ASTN2: variants seen among roughly 807,000 people sequenced by gnomAD.
The protein encoded by ASTN2 is astrotactin-2.
A neutral mutation model predicts 139.8 loss-of-function variants in ASTN2; 54 were observed. That is an observed-to-expected ratio of 0.39 (90% CI 0.31 to 0.48). The LOEUF (loss-of-function observed/expected upper bound fraction) is 0.48. Among genes scored for constraint, ASTN2 ranks in the 20% least tolerant of loss-of-function variants. The probability of loss-of-function intolerance (pLI) is 0.95; values close to 1 mark genes in which losing one functional copy is unlikely to be tolerated. For synonymous variants in ASTN2, 756 were observed against 719.5 expected (o/e 1.05, Z -0.81); for missense variants, 1,565 against 1,725.1 (o/e 0.91, Z 1.64).
chr9:116,884,793 C>T (rs1833547013), intron 10 of ASTN2, among the ~76,000 whole-genome samples: 1 of 135,382 alleles, frequency 7.4e-6, no homozygotes, highest in Non-Finnish European at 1.5e-5. Context: ...ATGTCAATCT[C>T]CAAATATCCG....
At chr9:116,904,241 C>G (rs561146297) in intron 10 of ASTN2, among the ~76,000 whole-genome samples, 3 of 152,260 alleles carry the variant, frequency 2.0e-5, no homozygotes, top group Non-Finnish European at 4.4e-5. Flanking sequence ...GGAAGTGTGT[C>G]TCTCCAGGAC....
intron 4 of ASTN2, among the ~76,000 whole-genome samples, chr9:117,113,604 C>T (rs560307304): frequency 5.3e-5 from 8 of 152,088 alleles, no homozygotes; most frequent in African/African-American, 7.2e-5. Flanking sequence ...TGCAGTGAGC[C>T]GAGATCGCAC....
At chr9:116,647,194 G>A (rs1857634964) in intron 17 of ASTN2, among the ~76,000 whole-genome samples, 1 of 152,134 alleles carries the variant, frequency 6.6e-6, no homozygotes, top group Non-Finnish European at 1.5e-5. Flanking sequence ...ATACAGTCTT[G>A]ACTCTACTTA....
chr9:116,818,499 T>C (rs1831398741), intron 12 of ASTN2, among the ~76,000 whole-genome samples: 1 of 152,194 alleles, frequency 6.6e-6, no homozygotes, highest in Admixed American at 6.5e-5. Context: ...TTTTGTTTTT[T>C]GTTTTTTTTG....
chr9:116,467,130 T>G (rs1403338007), intron 20 of ASTN2, among the ~76,000 whole-genome samples: 1 of 152,132 alleles, frequency 6.6e-6, no homozygotes, highest in Non-Finnish European at 1.5e-5. Context: ...TTTCTTTCTT[T>G]CTGAGATTAA....
At chr9:116,839,389 A>C (rs954247076) in intron 11 of ASTN2, among the ~76,000 whole-genome samples, 22 of 152,180 alleles carry the variant, frequency 1.4e-4, no homozygotes, top group Middle Eastern at 3.4e-3. Flanking sequence ...AAATTTACTC[A>C]TTTAAGTATA....
intron 10 of ASTN2, among the ~76,000 whole-genome samples, chr9:116,892,846 A>C (rs1020494149): frequency 2.6e-5 from 4 of 152,180 alleles, no homozygotes; most frequent in Non-Finnish European, 5.9e-5. Context: ...AAGGCACCCA[A>C]TTAAATTTGG....
chr9:117,151,272 G>A (rs1206824970), intron 3 of ASTN2, among the ~76,000 whole-genome samples: 2 of 152,144 alleles, frequency 1.3e-5, no homozygotes, highest in African/African-American at 4.8e-5. Context: ...ATAATCCAAT[G>A]AGAATCAGAG....
chr9:116,464,047 C>T lies in ASTN2; in HGVS notation c.3498-21494G>A, dbSNP rs554322338. On this transcript the variant is annotated intron_variant, in intron 20 of 22. Transcript: ENST00000313400. ...AAAGGTGCCAGCCACCATTCTCAGCCATTTCTGTCTCTATATAGCCAGAAT... is the reference window on the plus strand; with the variant it reads ...AAAGGTGCCAGCCACCATTCTCAGCTATTTCTGTCTCTATATAGCCAGAAT... Among the ~76,000 whole-genome samples, 4 of 151,838 alleles carry T rather than the reference C, an allele frequency of 2.6e-5. No individual in the cohort carries two copies. The East Asian group carries it at 7.8e-4, about 29-fold the overall frequency.
chr9:117,207,686 G>A (rs369682993), intron 3 of ASTN2, among the ~76,000 whole-genome samples: 13 of 151,962 alleles, frequency 8.6e-5, no homozygotes, highest in African/African-American at 2.7e-4. Context: ...TGGCAGGTAC[G>A]CCCCCAGGCC....
chr9:116,461,771 G>T (rs1848494181), intron 20 of ASTN2, among the ~76,000 whole-genome samples: 1 of 152,160 alleles, frequency 6.6e-6, no homozygotes, highest in African/African-American at 2.4e-5. Flanking sequence ...TAGTAGGTAT[G>T]TCCAGTGAGT....
At chr9:116,885,375 T>G (rs1334077771) in intron 10 of ASTN2, among the ~76,000 whole-genome samples, 2 of 152,046 alleles carry the variant, frequency 1.3e-5, no homozygotes, top group African/African-American at 4.8e-5. Context: ...AGACCTTATC[T>G]CAACGGAGCA....
At chr9:117,072,852 T>C (rs964211216) in intron 5 of ASTN2, among the ~76,000 whole-genome samples, 1 of 152,140 alleles carries the variant, frequency 6.6e-6, no homozygotes, top group Non-Finnish European at 1.5e-5. Flanking sequence ...CTCTGTAGCA[T>C]ACAAAGGGTT....
At chr9:116,679,708 G>T (rs931534369) in intron 16 of ASTN2, among the ~76,000 whole-genome samples, 1 of 152,126 alleles carries the variant, frequency 6.6e-6, no homozygotes, top group East Asian at 1.9e-4. Context: ...TTGAACTCAG[G>T]ATTAAGAAAC....
chr9:116,804,437 C>T (rs1830977961), intron 13 of ASTN2, among the ~76,000 whole-genome samples: 1 of 152,128 alleles, frequency 6.6e-6, no homozygotes, highest in African/African-American at 2.4e-5. Context: ...CTTTGGAAAG[C>T]TACTCTAGAT....
chr9:117,399,696 G>A (rs1014711133), intron 1 of ASTN2, among the ~76,000 whole-genome samples: 1 of 152,212 alleles, frequency 6.6e-6, no homozygotes, highest in African/African-American at 2.4e-5. Context: ...TACCACTAGA[G>A]ATCCAGCACA....
chr9:117,253,694 G>A (rs1377258491), intron 2 of ASTN2, among the ~76,000 whole-genome samples: 3 of 152,266 alleles, frequency 2.0e-5, no homozygotes, highest in South Asian at 2.1e-4. Context: ...AGCAGTTGCC[G>A]GCAGTCGCTG....
In ASTN2 at chr9:116,698,912, T is replaced by C; in HGVS notation, c.2806+26859A>G. The C allele has an allele frequency of 1.9e-6, 3 of 1,614,236 alleles. No individual in the cohort carries two copies. Among genetic ancestry groups the C allele is most frequent in the Non-Finnish European group, 2.5e-6 (3 of 1,180,044 alleles). ...AAGGTGAAGTACTAGTCGCTGACCG[T>C]GGTAACTATCGTATACAAGTCTTTA... is the stretch of plus-strand genomic sequence containing the variant. On this transcript the variant is annotated intron_variant, in intron 16 of 22. Transcript: ENST00000313400. The surrounding 1 kb of genome is among the most constrained non-coding windows in gnomAD (Gnocchi z 4.4).
intron 1 of ASTN2, among the ~76,000 whole-genome samples, chr9:117,365,993 A>T: frequency 6.6e-6 from 1 of 152,144 alleles, no homozygotes. Context: ...TGCGCTCCTG[A>T]CACATTACAT....
Sources: gnomAD v4.1 joint callset for allele counts (sites outside exome capture counted in the v4.1 genomes callset) on GRCh38, gnomAD v4.1.1 for gene constraint, Gnocchi (gnomAD v3.1) non-coding constraint, MANE v1.5 for transcripts, NCBI Gene and HGNC (gene_info 2026-07-23, HGNC 2026-07-21) for gene names.